FRMD6: variants seen among roughly 807,000 people sequenced by gnomAD.
FRMD6 encodes FERM domain containing 6.
In FRMD6, 37 loss-of-function variants were observed where a neutral mutation model predicts 73.2. That is an observed-to-expected ratio of 0.51 (90% CI 0.39 to 0.66). The LOEUF is 0.66. Ranked by LOEUF, FRMD6 falls within the 30% of genes least tolerant of loss-of-function variation. FRMD6 has a pLI of 0.00. For synonymous variants in FRMD6, 273 were observed against 282.2 expected (o/e 0.97, Z 0.33); for missense variants, 714 against 780.5 (o/e 0.91, Z 1.02).
chr14:51,637,189 T>C (rs542191703), intron 2 of FRMD6, among the ~76,000 whole-genome samples: 155 of 152,168 alleles, frequency 1.0e-3, no homozygotes, highest in African/African-American at 3.6e-3. Flanking sequence ...GCCACTGCAC[T>C]CCAGCCTGGG....
the FRMD6 span, among the ~76,000 whole-genome samples, chr14:51,453,313 G>A: frequency 6.6e-6 from 1 of 152,100 alleles, no homozygotes; most frequent in Non-Finnish European, 1.5e-5. Flanking sequence ...CTCTGGGACT[G>A]TGGGAGGGAG....
intron 1 of FRMD6, among the ~76,000 whole-genome samples, chr14:51,661,972 G>A (rs1348035634): frequency 6.6e-6 from 1 of 152,170 alleles, no homozygotes; most frequent in Non-Finnish European, 1.5e-5. Flanking sequence ...GGGTTAGGGA[G>A]CCTTTGAGCT....
intron 2 of FRMD6, among the ~76,000 whole-genome samples, chr14:51,608,522 T>A (rs1394018541): frequency 6.6e-6 from 1 of 151,962 alleles, no homozygotes; most frequent in Non-Finnish European, 1.5e-5. Context: ...ACCTTCCACC[T>A]CCCCTTCCTT....
chr14:51,725,361 A>G (rs1354629529), intron 12 of FRMD6, among the ~76,000 whole-genome samples: 2 of 152,196 alleles, frequency 1.3e-5, no homozygotes, highest in Non-Finnish European at 2.9e-5. Flanking sequence ...TCCAAGCCGA[A>G]CCAAATCTAG....
At chr14:51,405,350 A>G in the FRMD6 span, among the ~76,000 whole-genome samples, 14 of 152,312 alleles carry the variant, frequency 9.2e-5, no homozygotes, top group African/African-American at 2.4e-4. Context: ...AGGAATTGCC[A>G]TGCTACTTTC....
intron 2 of FRMD6, among the ~76,000 whole-genome samples, chr14:51,628,283 T>C (rs1394271941): frequency 1.3e-5 from 2 of 152,222 alleles, no homozygotes; most frequent in East Asian, 3.8e-4. Flanking sequence ...TATATAACAA[T>C]AAATATTCTT....
the FRMD6 span, among the ~76,000 whole-genome samples, chr14:51,455,556 G>A: frequency 5.9e-5 from 9 of 152,192 alleles, no homozygotes. Context: ...GGACACTGAA[G>A]CAGCATTTTT....
the FRMD6 span, among the ~76,000 whole-genome samples, chr14:51,455,024 G>T: frequency 6.6e-6 from 1 of 152,164 alleles, no homozygotes; most frequent in African/African-American, 2.4e-5. Context: ...TTCCCAAACT[G>T]TGTTCTCAGG....
At chr14:51,582,421 C>G (rs962541989) in intron 2 of FRMD6, among the ~76,000 whole-genome samples, 3 of 152,156 alleles carry the variant, frequency 2.0e-5, no homozygotes, top group Admixed American at 6.6e-5. Context: ...GTCCACATTA[C>G]TTTGGAGTTT....
At chr14:51,471,479 T>A in the FRMD6 span, among the ~76,000 whole-genome samples, 1 of 148,444 alleles carries the variant, frequency 6.7e-6, no homozygotes, top group Non-Finnish European at 1.5e-5. Context: ...CCAGCCTGGG[T>A]GACAGAGCCA....
intron 11 of FRMD6, among the ~76,000 whole-genome samples, 178 bp from the exon 12 acceptor site, chr14:51,721,771 G>GAAGGAGGGAAGGAGTA (rs1398664945): frequency 2.0e-5 from 3 of 151,464 alleles, no homozygotes; most frequent in African/African-American, 7.3e-5. Flanking sequence ...GGGAAGGAGG[G>GAAGGAGGGAAGGAGTA]AAGGAGTAAA....
At chr14:51,478,651 C>T in the FRMD6 span, among the ~76,000 whole-genome samples, 1 of 151,844 alleles carries the variant, frequency 6.6e-6, no homozygotes, top group African/African-American at 2.4e-5. Flanking sequence ...GGAAAGTATG[C>T]CTATGAAGAA....
intron 2 of FRMD6, among the ~76,000 whole-genome samples, chr14:51,582,769 C>T (rs749140090): frequency 4.6e-5 from 7 of 152,188 alleles, no homozygotes; most frequent in Non-Finnish European, 2.9e-5. Flanking sequence ...AATTTTCCTT[C>T]TGGAGCACTT....
chr14:51,471,500 C>T, the FRMD6 span, among the ~76,000 whole-genome samples: 3 of 120,176 alleles, frequency 2.5e-5, no homozygotes, highest in African/African-American at 1.0e-4. Flanking sequence ...GACTCCGTCT[C>T]GAAAAAAAAA....
intron 2 of FRMD6, among the ~76,000 whole-genome samples, chr14:51,594,919 C>T (rs1416032186): frequency 1.3e-5 from 2 of 152,204 alleles, no homozygotes; most frequent in Non-Finnish European, 2.9e-5. Context: ...TTTGGATATT[C>T]GTTCCTTCCT....
intron 2 of FRMD6, chr14:51,643,818 T>C (rs1250554934): frequency 6.6e-6 from 1 of 152,190 alleles, no homozygotes; most frequent in Non-Finnish European, 1.5e-5. Flanking sequence ...TTTTCCTTGT[T>C]CAACTCAAAC....
chr14:51,491,076 G>A (rs377656028), intron 1 of FRMD6, among the ~76,000 whole-genome samples: 17 of 152,286 alleles, frequency 1.1e-4, no homozygotes, highest in East Asian at 7.7e-4. Flanking sequence ...GGGGTGGGTG[G>A]AGCCCCTTCC....
At chr14:51,436,113 A>C in the FRMD6 span, 1 of 229,102 alleles carries the variant, frequency 4.4e-6, no homozygotes, top group Non-Finnish European at 8.5e-6. Flanking sequence ...GAGACCAGAG[A>C]AGACATTGAC....
At chr14:51,490,839 A>G (rs1449934779) in intron 1 of FRMD6, among the ~76,000 whole-genome samples, 1 of 152,186 alleles carries the variant, frequency 6.6e-6, no homozygotes, top group Non-Finnish European at 1.5e-5. Flanking sequence ...TTGAAAATAA[A>G]TACTGTGTTC....
Sources: gnomAD v4.1 joint callset for allele counts (sites outside exome capture counted in the v4.1 genomes callset) on GRCh38, gnomAD v4.1.1 for gene constraint, MANE v1.5 for transcripts, NCBI Gene and HGNC (gene_info 2026-07-23, HGNC 2026-07-21) for gene names.